APBA1: variants seen among roughly 807,000 people sequenced by gnomAD.
The protein encoded by APBA1 is amyloid beta precursor protein binding family A member 1, also known as amyloid-beta A4 precursor protein-binding family A member 1.
A neutral mutation model predicts 86.6 loss-of-function variants in APBA1; 55 were observed. That is an observed-to-expected ratio of 0.64 (90% CI 0.51 to 0.80). APBA1 has a LOEUF of 0.80. APBA1 is among the 30% of genes least tolerant of loss of function. The pLI is 0.00. For missense variants in APBA1, 1,090 were observed against 1,183.0 expected (o/e 0.92, Z 1.15); for synonymous variants, 511 against 493.9 (o/e 1.03, Z -0.46).
At chr9:69,506,363 C>A (rs1835965717) in intron 2 of APBA1, among the ~76,000 whole-genome samples, 1 of 136,562 alleles carries the variant, frequency 7.3e-6, no homozygotes, top group Admixed American at 7.4e-5. Context: ...TTCGGACCGG[C>A]TTAAAAAACC....
chr9:69,546,732 TA>T (rs1836704467), intron 1 of APBA1, among the ~76,000 whole-genome samples: 2 of 152,250 alleles, frequency 1.3e-5, no homozygotes, highest in South Asian at 4.1e-4. Context: ...GAATAAATCT[TA>T]AAGTAAGGAG....
chr9:69,498,446 G>C (rs1446035544), intron 2 of APBA1, among the ~76,000 whole-genome samples: 1 of 152,146 alleles, frequency 6.6e-6, no homozygotes, highest in East Asian at 1.9e-4. Context: ...GTTGTTTTAT[G>C]CCACTAAATT....
At chr9:69,513,049 A>T (rs1241557223) in intron 2 of APBA1, among the ~76,000 whole-genome samples, 1 of 152,208 alleles carries the variant, frequency 6.6e-6, no homozygotes, top group Non-Finnish European at 1.5e-5. Context: ...GATTAAATAC[A>T]ACCCACAAAT....
chr9:69,582,921 A>C (rs1821942720), intron 1 of APBA1, among the ~76,000 whole-genome samples: 1 of 152,180 alleles, frequency 6.6e-6, no homozygotes, highest in Non-Finnish European at 1.5e-5. Context: ...GAATGAAGAA[A>C]AATACAACCA....
chr9:69,552,500 G>A (rs1836801800), intron 1 of APBA1, among the ~76,000 whole-genome samples: 1 of 152,158 alleles, frequency 6.6e-6, no homozygotes, highest in Non-Finnish European at 1.5e-5. Context: ...ACAAACCCAA[G>A]CTGGGAAGAT....
Position 69,467,692 on chromosome 9 carries a change from A to G in APBA1, c.1482+131T>C, listed in dbSNP as rs1835300225. On this transcript the variant is annotated intron_variant, in intron 5 of 12. Coordinates refer to ENST00000265381, the MANE Select transcript of APBA1 (RefSeq NM_001163.4). ...TGTTTTGTTAGCAGGCACATGGATA[A>G]GCACTGCCTGTGTGATGTCATCTCA... 2.4e-6 allele frequency: 3 copies of G among 1,255,104 alleles called. No individual in the cohort carries two copies. In the Admixed American group the frequency reaches 6.9e-5, roughly 29 times the overall value. 77.7% of individuals were successfully genotyped at this position (1,255,104 alleles called of 1,614,324 possible). A position where few individuals can be genotyped will look rare whatever the true frequency, so the allele number is the denominator to read the frequency against.
chr9:69,665,225 C>T (rs1289849705), intron 1 of APBA1, among the ~76,000 whole-genome samples: 2 of 152,222 alleles, frequency 1.3e-5, no homozygotes, highest in East Asian at 1.9e-4. Context: ...ATAATGCCAG[C>T]AGAGCCAAGC....
intron 2 of APBA1, among the ~76,000 whole-genome samples, chr9:69,511,935 A>AG (rs1836052326): frequency 8.6e-6 from 1 of 116,046 alleles, no homozygotes; most frequent in African/African-American, 3.3e-5. Context: ...GGGTGGGGGT[A>AG]GGGGGGAGGG....
At chr9:69,485,135 C>A (rs7021184) in intron 2 of APBA1, among the ~76,000 whole-genome samples, 109,373 of 151,746 alleles carry the variant, frequency 0.72, 39,756 homozygotes, top group East Asian at 0.82. Context: ...ATTTTGAATT[C>A]GAGAAATAGT....
intron 1 of APBA1, among the ~76,000 whole-genome samples, chr9:69,630,844 C>G (rs1405513209): frequency 6.6e-6 from 1 of 152,216 alleles, no homozygotes; most frequent in African/African-American, 2.4e-5. Context: ...ACTGAAAGCT[C>G]ATTCATCAGC....
intron 1 of APBA1, among the ~76,000 whole-genome samples, chr9:69,625,367 G>A (rs898181021): frequency 1.3e-5 from 2 of 152,146 alleles, no homozygotes; most frequent in African/African-American, 4.8e-5. Context: ...AACTGCAGCT[G>A]ATAGTTTTAT....
chr9:69,626,433 A>C (rs1040691189), intron 1 of APBA1, among the ~76,000 whole-genome samples: 1 of 152,184 alleles, frequency 6.6e-6, no homozygotes, highest in Non-Finnish European at 1.5e-5. Flanking sequence ...GAATCCATTA[A>C]ATAAAATTCA....
intron 1 of APBA1, among the ~76,000 whole-genome samples, chr9:69,661,203 A>C (rs1411667147): frequency 6.6e-6 from 1 of 152,142 alleles, no homozygotes; most frequent in Non-Finnish European, 1.5e-5. Flanking sequence ...TGTGGCAGAG[A>C]CCATATGGCC....
At chr9:69,504,889 G>A (rs933488381) in intron 2 of APBA1, among the ~76,000 whole-genome samples, 1 of 151,922 alleles carries the variant, frequency 6.6e-6, no homozygotes, top group African/African-American at 2.4e-5. Flanking sequence ...ATTGGAGAAG[G>A]CATCACAGGA....
chr9:69,498,706 G>T (rs1037479894), intron 2 of APBA1, among the ~76,000 whole-genome samples: 2 of 152,194 alleles, frequency 1.3e-5, no homozygotes, highest in Middle Eastern at 3.4e-3. Context: ...TGAATGAGTG[G>T]ATGATAAATT....
Position 69,441,031 on chromosome 9 carries a change from G to C in APBA1, c.2266C>G (p.Arg756Gly). ...TTVLIRRPDL[R>G]YQLGFSVQNG... Reference sequence around the variant, plus strand: ...TGGACGCTGAAACCGAGCTGGTAGCGAAGGTCTGGTCTTCTGATTAACACG... The same window carrying C: ...TGGACGCTGAAACCGAGCTGGTAGCCAAGGTCTGGTCTTCTGATTAACACG... Residue 756 changes from arginine (R) to glycine (G), a missense_variant, in exon 11 of 13, where the codon CGC becomes GGC. Transcript: ENST00000265381. 6.2e-7 allele frequency: 1 copy of C among 1,614,070 alleles called. No individual in the cohort carries two copies. Among genetic ancestry groups the C allele is most frequent in the East Asian group, 2.2e-5 (1 of 44,884 alleles).
intron 1 of APBA1, among the ~76,000 whole-genome samples, chr9:69,648,987 A>G (rs1823443152): frequency 6.6e-6 from 1 of 152,168 alleles, no homozygotes; most frequent in African/African-American, 2.4e-5. Flanking sequence ...CTCCAGAAGC[A>G]CAAAACAGAA....
chr9:69,651,746 G>A (rs1823507657), intron 1 of APBA1, among the ~76,000 whole-genome samples: 1 of 152,224 alleles, frequency 6.6e-6, no homozygotes, highest in Non-Finnish European at 1.5e-5. Context: ...AGAGCGCTGA[G>A]ATTACCGGCG....
At chr9:69,618,354 T>G (rs916759870) in intron 1 of APBA1, among the ~76,000 whole-genome samples, 7 of 152,148 alleles carry the variant, frequency 4.6e-5, no homozygotes, top group Admixed American at 3.3e-4. Context: ...CACTCAACAT[T>G]TAGTGTGTTT....
Sources: allele counts gnomAD v4.1 joint callset (sites outside exome capture counted in the v4.1 genomes callset), GRCh38; gene constraint gnomAD v4.1.1; transcripts MANE v1.5; gene names NCBI Gene and HGNC (gene_info 2026-07-23, HGNC 2026-07-21).